The following PCGF3 variants were observed in gnomAD, a reference collection of about 807,000 sequenced individuals.
The protein encoded by PCGF3 is polycomb group ring finger 3.
A neutral mutation model predicts 33.1 loss-of-function variants in PCGF3; 7 were observed. The observed-to-expected ratio is 0.21, with a 90% confidence interval of 0.12 to 0.40. The LOEUF (loss-of-function observed/expected upper bound fraction) is 0.40. PCGF3 is among the 10% of genes least tolerant of loss of function. The probability of loss-of-function intolerance (pLI) is 1.00; values close to 1 mark genes in which losing one functional copy is unlikely to be tolerated. For missense variants in PCGF3, 211 were observed against 313.3 expected, an observed-to-expected ratio of 0.67 and a Z score of 2.46; for synonymous variants, 153 against 121.3, an observed-to-expected ratio of 1.26 and a Z score of -1.72.
chr4:742,569 C>T (rs1013436656), intron 6 of PCGF3, among the ~76,000 whole-genome samples: 6 of 152,220 alleles, frequency 3.9e-5, no homozygotes, highest in Admixed American at 3.3e-4. Context: ...TCCACTGTGT[C>T]CCCTGGGTGT....
At chr4:751,502 C>T (rs1054846832) in intron 8 of PCGF3, among the ~76,000 whole-genome samples, 1 of 152,088 alleles carries the variant, frequency 6.6e-6, no homozygotes, top group Non-Finnish European at 1.5e-5. Context: ...CTGCCGGTCA[C>T]GGGCTGTGTG....
At chr4:730,261 G>A (rs1743495592) in intron 1 of PCGF3, among the ~76,000 whole-genome samples, 1 of 152,116 alleles carries the variant, frequency 6.6e-6, no homozygotes, top group Non-Finnish European at 1.5e-5. Flanking sequence ...TGCCTCTGAG[G>A]TCTTGCATTT....
chr4:761,879 C>T, intron 9 of PCGF3: 2 of 985,410 alleles, frequency 2.0e-6, no homozygotes, highest in Non-Finnish European at 2.4e-6. Context: ...GCAGTGACAC[C>T]ATGGGGATGC....
At chr4:744,509 AT>A in intron 7 of PCGF3, 90 bp from the exon 8 acceptor site, 2 of 988,840 alleles carry the variant, frequency 2.0e-6, no homozygotes, top group Non-Finnish European at 3.1e-6. Flanking sequence ...AATGGAGTGA[AT>A]TTTTGACGGC....
chr4:751,424 G>A (rs1415357857), intron 8 of PCGF3, among the ~76,000 whole-genome samples: 5 of 152,164 alleles, frequency 3.3e-5, no homozygotes, highest in Non-Finnish European at 7.3e-5. Context: ...TCTTCCTGGT[G>A]TGTTTGGATT....
At chr4:730,144 G>A (rs1359668440) in intron 1 of PCGF3, among the ~76,000 whole-genome samples, 1 of 152,164 alleles carries the variant, frequency 6.6e-6, no homozygotes, top group Non-Finnish European at 1.5e-5. Context: ...GTGCACGTCT[G>A]GTAGGCGCAG....
intron 7 of PCGF3, 99 bp from the exon 8 acceptor site, chr4:744,501 T>G: frequency 1.1e-6 from 1 of 888,810 alleles, no homozygotes; most frequent in Non-Finnish European, 1.8e-6. Flanking sequence ...AGTCTCTTAA[T>G]GGAGTGAATT....
At chr4:723,716 C>A in intron 1 of PCGF3, 1 of 153,376 alleles carries the variant, frequency 6.5e-6, no homozygotes, top group Non-Finnish European at 1.5e-5. Context: ...GGGATGGAGC[C>A]GAGAGCTGAG....
chr4:752,515 G>T (rs574150282), intron 8 of PCGF3, among the ~76,000 whole-genome samples: 8 of 152,240 alleles, frequency 5.3e-5, no homozygotes, highest in Admixed American at 1.3e-4. Context: ...CCAGAGCCTG[G>T]CTTTGCGTGG....
At chr4:707,445 T>TCC (rs35481412) in intron 1 of PCGF3, among the ~76,000 whole-genome samples, 2 of 151,430 alleles carry the variant, frequency 1.3e-5, no homozygotes, top group Admixed American at 1.3e-4. Context: ...CTGCCCCGTC[T>TCC]CCCCCGGGAC....
intron 3 of PCGF3, among the ~76,000 whole-genome samples, chr4:731,657 C>T (rs866432075): frequency 1.4e-5 from 1 of 71,102 alleles, no homozygotes; most frequent in African/African-American, 4.6e-5. Flanking sequence ...GGCTCCCCCG[C>T]CCCTCGTGGG....
intron 10 of PCGF3, among the ~76,000 whole-genome samples, 200 bp downstream of exon 10, chr4:765,264 T>G (rs887609726): frequency 6.6e-6 from 1 of 152,102 alleles, no homozygotes. Flanking sequence ...AAACCCAATC[T>G]CTACTAAAAA....
intron 9 of PCGF3, among the ~76,000 whole-genome samples, chr4:763,851 A>G (rs55700741): frequency 0.051 from 7,794 of 152,316 alleles, 282 homozygotes; most frequent in East Asian, 0.12. Flanking sequence ...TGGTGCATCC[A>G]TACTGGACTA....
chr4:740,562 C>T (rs552226103), intron 6 of PCGF3, among the ~76,000 whole-genome samples: 21 of 152,202 alleles, frequency 1.4e-4, no homozygotes, highest in East Asian at 9.7e-4. Flanking sequence ...GTCCTCTTTC[C>T]ATGGATCCTG....
intron 1 of PCGF3, among the ~76,000 whole-genome samples, chr4:724,412 G>A (rs919705457): frequency 6.6e-6 from 1 of 152,274 alleles, no homozygotes; most frequent in Non-Finnish European, 1.5e-5. Context: ...GGACAGCGGT[G>A]CTGTGGGGGC....
chr4:729,597 C>G (rs1382922696), intron 1 of PCGF3, among the ~76,000 whole-genome samples: 1 of 152,090 alleles, frequency 6.6e-6, no homozygotes, highest in African/African-American at 2.4e-5. Flanking sequence ...TTCTCTTCAT[C>G]TTGTTTCTCT....
At chr4:729,930 G>A (rs574191418) in intron 1 of PCGF3, among the ~76,000 whole-genome samples, 2 of 152,258 alleles carry the variant, frequency 1.3e-5, no homozygotes, top group Admixed American at 6.5e-5. Flanking sequence ...GGAGGCCACC[G>A]AGGTTCCCGG....
chr4:722,071 C>T (rs192794522), intron 1 of PCGF3, among the ~76,000 whole-genome samples: 45 of 152,172 alleles, frequency 3.0e-4, no homozygotes, highest in Admixed American at 2.6e-3. Flanking sequence ...GCAGGACACA[C>T]GGGGCGTGGG....
chr4:705,913 C>T (rs1252407093), exon 1 of PCGF3: 2 of 152,208 alleles, frequency 1.3e-5, no homozygotes, highest in African/African-American at 2.4e-5. Flanking sequence ...GGCGCCCCCT[C>T]CCCCCTCCGG....
Sources: allele counts gnomAD v4.1 joint callset (sites outside exome capture counted in the v4.1 genomes callset), GRCh38; gene constraint gnomAD v4.1.1; transcripts MANE v1.5; gene names NCBI Gene and HGNC (gene_info 2026-07-23, HGNC 2026-07-21).